The following SASH1 variants were observed in gnomAD, a reference collection of about 807,000 sequenced individuals.
The protein encoded by SASH1 is SAM and SH3 domain-containing protein 1.
A neutral mutation model predicts 125.2 loss-of-function variants in SASH1; 44 were observed. The ratio of observed to expected loss-of-function variants is 0.35; its 90% CI spans 0.28 to 0.45. The LOEUF is 0.45. Ranked by LOEUF, SASH1 falls within the 20% of genes least tolerant of loss-of-function variation. SASH1 has a pLI of 1.00. For synonymous variants in SASH1, 639 were observed against 649.1 expected, an observed-to-expected ratio of 0.98 and a Z score of 0.24; for missense variants, 1,426 against 1,614.5, an observed-to-expected ratio of 0.88 and a Z score of 2.00.
At chr6:148,534,277 A>C (rs2115413877) in intron 15 of SASH1, among the ~76,000 whole-genome samples, 1 of 152,304 alleles carries the variant, frequency 6.6e-6, no homozygotes, top group East Asian at 1.9e-4. Flanking sequence ...CTAGCTCCAC[A>C]GGGGCCACAA....
At chr6:148,200,017 C>A in the SASH1 span, among the ~76,000 whole-genome samples, 14 of 152,130 alleles carry the variant, frequency 9.2e-5, no homozygotes, top group Non-Finnish European at 7.4e-5. Context: ...TTCTCATCTG[C>A]GACCCTTGAT....
At chr6:148,464,968 G>C (rs894051464) in intron 4 of SASH1, among the ~76,000 whole-genome samples, 1 of 152,104 alleles carries the variant, frequency 6.6e-6, no homozygotes, top group Non-Finnish European at 1.5e-5. Context: ...AGCAATGCCT[G>C]GGCCAAGTCC....
chr6:148,514,546 A>AAGGGAG, intron 9 of SASH1, 90 bp downstream of exon 9: 1 of 1,329,820 alleles, frequency 7.5e-7, no homozygotes, highest in Non-Finnish European at 9.8e-7. Context: ...CTCAGCAGAA[A>AAGGGAG]AGGGATACGA....
chr6:148,524,779 T>C (rs1781037202), intron 10 of SASH1: 1 of 153,026 alleles, frequency 6.5e-6, no homozygotes, highest in Non-Finnish European at 1.5e-5. Context: ...TCTCCCCCCC[T>C]CTTCTCAGCG....
In SASH1 at chr6:148,435,634, T is replaced by C. The variant is rs79199628; in HGVS notation, c.286-4550T>C. Among the ~76,000 whole-genome samples, 467 of 152,274 alleles carry C rather than the reference T, an allele frequency of 3.1e-3. 22 individuals are homozygous for C. The East Asian group carries it at 0.074, about 24-fold the overall frequency. ...AGATTGAGCAACAGTTAAGGAACTCTGATAGCTAATTCTTAACTTAGAAAT... is the reference window on the plus strand; with the variant it reads ...AGATTGAGCAACAGTTAAGGAACTCCGATAGCTAATTCTTAACTTAGAAAT... On this transcript the variant is annotated intron_variant, in intron 2 of 19. Coordinates refer to ENST00000367467, the MANE Select transcript of SASH1 (RefSeq NM_015278.5).
At chr6:148,457,586 C>T (rs1440081117) in intron 4 of SASH1, among the ~76,000 whole-genome samples, 1 of 152,112 alleles carries the variant, frequency 6.6e-6, no homozygotes, top group Non-Finnish European at 1.5e-5. Flanking sequence ...TTTTGTGAGA[C>T]TGAAATACGA....
chr6:148,518,465 C>T (rs1278654561), intron 9 of SASH1, among the ~76,000 whole-genome samples: 8 of 152,116 alleles, frequency 5.3e-5, no homozygotes, highest in African/African-American at 1.9e-4. Flanking sequence ...GGATGGCTGC[C>T]GTTCTTTTCC....
At chr6:148,420,878 C>G (rs1036940140) in intron 2 of SASH1, among the ~76,000 whole-genome samples, 8 of 151,724 alleles carry the variant, frequency 5.3e-5, no homozygotes, top group African/African-American at 1.7e-4. Flanking sequence ...GTCAGGAGTT[C>G]GAGACTAGCC....
At chr6:148,442,384 C>T (rs1293687999) in intron 4 of SASH1, among the ~76,000 whole-genome samples, 1 of 152,008 alleles carries the variant, frequency 6.6e-6, no homozygotes, top group Non-Finnish European at 1.5e-5. Context: ...AAGAACAAGA[C>T]CCCATCTCAA....
intron 1 of SASH1, among the ~76,000 whole-genome samples, chr6:148,389,017 A>G (rs1783592166): frequency 6.6e-6 from 1 of 152,124 alleles, no homozygotes; most frequent in Admixed American, 6.5e-5. Context: ...GATAGAAGAA[A>G]TGGCATAACT....
At chr6:148,255,831 G>A in the SASH1 span, among the ~76,000 whole-genome samples, 1 of 151,892 alleles carries the variant, frequency 6.6e-6, no homozygotes, top group Non-Finnish European at 1.5e-5. Context: ...TTGTAGAGAG[G>A]GGGTTTCACC....
chr6:148,403,955 A>G (rs369846766), intron 2 of SASH1, among the ~76,000 whole-genome samples: 18 of 152,210 alleles, frequency 1.2e-4, no homozygotes, highest in African/African-American at 3.9e-4. Flanking sequence ...CCAAAATTCC[A>G]TAGTACTTTG....
intron 17 of SASH1, among the ~76,000 whole-genome samples, chr6:148,540,807 G>T (rs1782172312): frequency 6.6e-6 from 1 of 152,080 alleles, no homozygotes; most frequent in Non-Finnish European, 1.5e-5. Flanking sequence ...GCCCTTTTCT[G>T]TATGCAATAA....
intron 10 of SASH1, among the ~76,000 whole-genome samples, chr6:148,524,121 A>ATTTTTTTT (rs796565408): frequency 1.8e-4 from 23 of 128,608 alleles, no homozygotes; most frequent in African/African-American, 6.4e-4. Context: ...ATATATATAT[A>ATTTTTTTT]TTTTTTTTAA....
intron 1 of SASH1, among the ~76,000 whole-genome samples, chr6:148,352,462 T>G (rs187406228): frequency 5.3e-4 from 80 of 152,002 alleles, no homozygotes; most frequent in African/African-American, 1.9e-3. Flanking sequence ...CCAGGCATAG[T>G]GGCAGGCGCC....
Position 148,548,867 on chromosome 6 carries a change from T to A in SASH1, c.*309T>A, listed in dbSNP as rs1203445270. 5 of 273,042 alleles carry A rather than the reference T, an allele frequency of 1.8e-5. No individual in the cohort carries two copies. Among genetic ancestry groups the A allele is most frequent in the Non-Finnish European group, 2.8e-5 (4 of 144,602 alleles). 16.9% of individuals were successfully genotyped at this position (273,042 alleles called of 1,614,324 possible). On this transcript the variant is annotated 3_prime_UTR_variant, in exon 20 of 20. Transcript: ENST00000367467. ...GAATGCTCTATCTCCAGTCTGTCTC[T>A]GTGTACTGGTAGAGGCTGGGAGGAG...
intron 7 of SASH1, 85 bp downstream of exon 7, chr6:148,474,307 G>A: frequency 1.4e-6 from 1 of 734,486 alleles, no homozygotes; most frequent in South Asian, 1.7e-5. Context: ...AGGGGTATAG[G>A]AATCAGGTAC....
chr6:148,236,715 C>A, the SASH1 span, among the ~76,000 whole-genome samples: 1 of 152,134 alleles, frequency 6.6e-6, no homozygotes, highest in Admixed American at 6.5e-5. Context: ...AGGGGGCCCA[C>A]AGACAGAAGG....
At chr6:148,334,137 TAGC>T (rs1472093715) in intron 1 of SASH1, among the ~76,000 whole-genome samples, 8 of 25,406 alleles carry the variant, frequency 3.1e-4, no homozygotes, top group Non-Finnish European at 5.9e-4. Flanking sequence ...TAAGAGATAA[TAGC>T]AGGCCGGGCG....
Sources: allele counts gnomAD v4.1 joint callset (sites outside exome capture counted in the v4.1 genomes callset), GRCh38; gene constraint gnomAD v4.1.1; transcripts MANE v1.5; gene names NCBI Gene and HGNC (gene_info 2026-07-23, HGNC 2026-07-21).